The following PLAGL1 variants were observed in gnomAD, a reference collection of about 807,000 sequenced individuals.
The protein encoded by PLAGL1 is zinc finger protein PLAGL1.
Under a neutral mutation model 4.6 loss-of-function variants are expected in PLAGL1, and 1 was observed. That is an observed-to-expected ratio of 0.22 (90% CI 0.08 to 1.03). PLAGL1 has a LOEUF of 1.03. Ranked by LOEUF, PLAGL1 falls within the 50% of genes least tolerant of loss-of-function variation. The pLI is 0.58. For missense variants in PLAGL1, 464 were observed against 570.4 expected, an observed-to-expected ratio of 0.81 and a Z score of 1.90; for synonymous variants, 240 against 237.8, an observed-to-expected ratio of 1.01 and a Z score of -0.08.
rs1270723718 is a variant in PLAGL1, at chr6:144,005,601, AT to A, written c.-584+2488del. On this transcript the variant is annotated intron_variant, in intron 1 of 7. Transcript: ENST00000674357. This position sits in a 1 kb window ranked among gnomAD's most constrained non-coding sequence, Gnocchi z 4.6. Reference sequence around the variant, plus strand: ...CATAAACTTAAAAATTCTTAGAAAAATATTCAGAATACATTTCATTAATAGT... The same window carrying A: ...CATAAACTTAAAAATTCTTAGAAAAAATTCAGAATACATTTCATTAATAGT... 6.6e-6 allele frequency: 1 copy of A among 152,170 alleles called. No homozygotes were observed. The highest frequency in any genetic ancestry group is 1.9e-4 in the East Asian group (1 of 5,204). 9.4% of individuals were successfully genotyped at this position (152,170 alleles called of 1,614,324 possible).
chr6:143,976,261 G>A (rs971204151), intron 2 of PLAGL1, among the ~76,000 whole-genome samples: 2 of 145,528 alleles, frequency 1.4e-5, no homozygotes, highest in East Asian at 2.0e-4. Context: ...ATTCCTGGTC[G>A]CCCTTGAGCC....
At chr6:144,008,716 ATAGGCCAAAC>A (rs1424216977), upstream of PLAGL1, 1 of 152,292 alleles carries the variant, frequency 6.6e-6, no homozygotes, top group Non-Finnish European at 1.5e-5. The surrounding 1 kb of genome is among the most constrained non-coding windows in gnomAD (Gnocchi z 6.9). Context: ...GGACGCTGCA[ATAGGCCAAAC>A]TAACTTACCT....
intron 7 of PLAGL1, among the ~76,000 whole-genome samples, chr6:143,944,694 T>C (rs1040285077): frequency 1.5e-5 from 2 of 131,724 alleles, no homozygotes; most frequent in Non-Finnish European, 3.2e-5. Context: ...ATAGCCATGT[T>C]GTTCTGCAGG....
Position 143,963,363 on chromosome 6 carries a change from T to C in PLAGL1, c.-399+1424A>G. Among the ~76,000 whole-genome samples the C allele has an allele frequency of 6.6e-6, 1 of 152,186 alleles. No homozygotes were observed. Among genetic ancestry groups the C allele is most frequent in the East Asian group, 1.9e-4 (1 of 5,198 alleles). On this transcript the variant is annotated intron_variant, in intron 5 of 7. Transcript: ENST00000674357. The surrounding 1 kb of genome is among the most constrained non-coding windows in gnomAD (Gnocchi z 6.1). The stretch of plus-strand genomic sequence containing the variant: ...GCAGTGCCCCTTCAAGGTCACATGG[T>C]GGGGCTTCAAACGTTAACCCACAGA...
rs940954068 is a variant in PLAGL1 at position 143,950,908 on chromosome 6, C to T, written c.-324-2448G>A. On this transcript the variant is annotated intron_variant, in intron 6 of 7. Transcript: ENST00000674357. The surrounding 1 kb of genome is among the most constrained non-coding windows in gnomAD (Gnocchi z 6.3). ...TATTTAACTTTAATTTAAATTGCCA[C>T]ATAGTGCCAGTGGCTGCTGTCCTGG... Among the ~76,000 whole-genome samples the T allele has an allele frequency of 1.3e-5, 2 of 152,210 alleles. No homozygotes were observed. Among genetic ancestry groups the T allele is most frequent in the African/African-American group, 4.8e-5 (2 of 41,448 alleles).
In PLAGL1 at chr6:143,949,587, C is replaced by T. The variant is rs189331280; in HGVS notation, c.-324-1127G>A. 1.1e-3 allele frequency among the ~76,000 whole-genome samples: 164 copies of T among 152,320 alleles called. 1 individual carries two copies. The highest frequency in any genetic ancestry group is 1.3e-3 in the Non-Finnish European group (88 of 68,024). On this transcript the variant is annotated intron_variant, in intron 6 of 7. Coordinates refer to ENST00000674357, the MANE Select transcript of PLAGL1 (RefSeq NM_001317162.2). The surrounding 1 kb of genome is among the most constrained non-coding windows in gnomAD (Gnocchi z 5.3). ...GGGTAAAGCCCTGGATCACTACCAC[C>T]CTGTGCTATTCTAGAGAGAGATTTT...
chr6:144,018,698 C>T (rs1242426655), intron 1 of PLAGL1, among the ~76,000 whole-genome samples: 1 of 152,220 alleles, frequency 6.6e-6, no homozygotes, highest in East Asian at 1.9e-4. Context: ...ACTCTAACAT[C>T]TAAATTCTCT....
At chr6:143,969,769 A>T (rs1218059107) in intron 2 of PLAGL1, among the ~76,000 whole-genome samples, 1 of 151,876 alleles carries the variant, frequency 6.6e-6, no homozygotes, top group Non-Finnish European at 1.5e-5. Context: ...TAAAAGGCAA[A>T]ATATGGGGGA....
rs1052664085 is a variant in PLAGL1 at position 144,022,167 on chromosome 6, A to G, written c.-151+42301T>C. On this transcript the variant is annotated intron_variant, in intron 1 of 3. Coordinates refer to the PLAGL1 transcript ENST00000437412. This position sits in a 1 kb window ranked among gnomAD's most constrained non-coding sequence, Gnocchi z 4.2. ...ATATCTGAGAAATAACTTATATTAA[A>G]TATACAAAGAACACTTAAAACTAAC... Among the ~76,000 whole-genome samples the G allele has an allele frequency of 2.0e-5, 3 of 152,224 alleles. No individual in the cohort carries two copies. Among genetic ancestry groups the G allele is most frequent in the African/African-American group, 7.2e-5 (3 of 41,450 alleles).
chr6:143,967,785 C>G (rs1304466531), intron 3 of PLAGL1: 1 of 152,044 alleles, frequency 6.6e-6, no homozygotes, highest in East Asian at 1.9e-4. Flanking sequence ...TCCAAGCACA[C>G]GACCTAATAT....
In PLAGL1 at chr6:143,959,198, T is replaced by C. The variant is rs1782821637; in HGVS notation, c.-325+1271A>G. Among the ~76,000 whole-genome samples, 1 of 152,240 alleles carries C rather than the reference T, an allele frequency of 6.6e-6. No homozygotes were observed. The highest frequency in any genetic ancestry group is 2.4e-5 in the African/African-American group (1 of 41,464). On this transcript the variant is annotated intron_variant, in intron 6 of 7. Transcript: ENST00000674357. The surrounding 1 kb of genome is among the most constrained non-coding windows in gnomAD (Gnocchi z 5.3). ...CTGAGAGCAATGTCTCAAGTGGCTC[T>C]TCCTCCCCTGCTTGCCTTGCAATCA...
In PLAGL1 at chr6:143,979,289, A is replaced by G. The variant is rs1031370044; in HGVS notation, c.-544+5846T>C. On this transcript the variant is annotated intron_variant, in intron 2 of 7. Transcript: ENST00000674357. The surrounding 1 kb of genome is among the most constrained non-coding windows in gnomAD (Gnocchi z 4.6). ...ACTCATTACCTTCAGACTGGCCAATATGTGTATTAAATCTGACATTCTTTG... is the reference window on the plus strand; with the variant it reads ...ACTCATTACCTTCAGACTGGCCAATGTGTGTATTAAATCTGACATTCTTTG... 6.6e-6 allele frequency among the ~76,000 whole-genome samples: 1 copy of G among 152,096 alleles called. No individual in the cohort carries two copies. Among genetic ancestry groups the G allele is most frequent in the African/African-American group, 2.4e-5 (1 of 41,450 alleles).
Position 144,000,484 on chromosome 6 carries a change from A to G in PLAGL1, c.-584+7606T>C, listed in dbSNP as rs182100303. ...GAAATAAATGTAACAAAATATGTAC[A>G]AGTCCTTTATTTATATCATATCATT... On this transcript the variant is annotated intron_variant, in intron 1 of 7. Coordinates refer to ENST00000674357, the MANE Select transcript of PLAGL1 (RefSeq NM_001317162.2). The surrounding 1 kb of genome is among the most constrained non-coding windows in gnomAD (Gnocchi z 4.1). Among the ~76,000 whole-genome samples the G allele has an allele frequency of 1.3e-5, 2 of 152,302 alleles. No homozygotes were observed. Among genetic ancestry groups the G allele is most frequent in the Non-Finnish European group, 2.9e-5 (2 of 67,972 alleles).
chr6:143,991,755 C>G (rs1790516133), intron 1 of PLAGL1, among the ~76,000 whole-genome samples: 1 of 152,244 alleles, frequency 6.6e-6, no homozygotes, highest in South Asian at 2.1e-4. Flanking sequence ...CAAAGAGCTT[C>G]AAGCCTGCTA....
Position 143,942,312 on chromosome 6 carries a change from C to A in PLAGL1, c.504G>T (p.Arg168=). Residue 168 remains arginine (R), a synonymous_variant, in exon 8 of 8, where the codon CGG becomes CGT. Transcript: ENST00000674357. The surrounding 1 kb of genome is among the most constrained non-coding windows in gnomAD (Gnocchi z 7.6). ...CDHCERCFYT[R]KDVRRHLVVH... ...CCACCAGGTGGCGTCGCACATCCTT[C>A]CGGGTGTAGAAGCATCTTTCACAGT... 6.2e-7 allele frequency: 1 copy of A among 1,614,090 alleles called. No individual in the cohort carries two copies. The highest frequency in any genetic ancestry group is 8.5e-7 in the Non-Finnish European group (1 of 1,179,984).
chr6:144,044,309 G>C (rs1294164930), intron 1 of PLAGL1, among the ~76,000 whole-genome samples: 3 of 152,134 alleles, frequency 2.0e-5, no homozygotes, highest in African/African-American at 7.2e-5. Flanking sequence ...TGTCTTGTGG[G>C]CATTTAGCGC....
Position 143,941,965 on chromosome 6 carries a change from G to T in PLAGL1, c.851C>A (p.Ser284Tyr). 4 of 1,598,852 alleles carry T rather than the reference G, an allele frequency of 2.5e-6. No homozygotes were observed. The highest frequency in any genetic ancestry group is 3.4e-6 in the Non-Finnish European group (4 of 1,171,498). ...PMQPLPESLA[S>Y]LHPSVSPGSP... is the part of the protein sequence containing the mutation. ...GCCAGGGGATACCGAGGGGTGGAGG[G>T]AGGCCAGGGACTCTGGCAGCGGCTG... Residue 284 changes from serine to tyrosine, a missense_variant, in exon 8 of 8, where the codon TCC becomes TAC. By Grantham distance (144) the Ser-to-Tyr change is moderately radical (BLOSUM62 -2). Transcript: ENST00000674357. The surrounding 1 kb of genome is among the most constrained non-coding windows in gnomAD (Gnocchi z 6.0).
At chr6:144,018,870 G>A (rs929399509) in intron 1 of PLAGL1, among the ~76,000 whole-genome samples, 20 of 152,080 alleles carry the variant, frequency 1.3e-4, no homozygotes, top group African/African-American at 4.3e-4. Flanking sequence ...AACCAAAGTC[G>A]AGGGACATTA....
intron 2 of PLAGL1, among the ~76,000 whole-genome samples, chr6:143,974,305 T>A (rs1451802215): frequency 6.6e-6 from 1 of 151,850 alleles, no homozygotes; most frequent in Non-Finnish European, 1.5e-5. Context: ...ATAAACAATA[T>A]TGGAACGAAA....
Sources: gnomAD v4.1 joint callset for allele counts (sites outside exome capture counted in the v4.1 genomes callset) on GRCh38, gnomAD v4.1.1 for gene constraint, Gnocchi (gnomAD v3.1) non-coding constraint, MANE v1.5 for transcripts, NCBI Gene and HGNC (gene_info 2026-07-23, HGNC 2026-07-21) for gene names.